Variants in MPRIP observed in about 807,000 individuals in gnomAD.
The protein encoded by MPRIP is myosin phosphatase Rho-interacting protein.
A neutral mutation model predicts 234.9 loss-of-function variants in MPRIP; 59 were observed. The ratio of observed to expected loss-of-function variants is 0.25; its 90% confidence interval spans 0.20 to 0.31. The LOEUF (loss-of-function observed/expected upper bound fraction) is 0.31. MPRIP is among the 10% of genes least tolerant of loss of function. MPRIP has a pLI of 1.00. For missense variants in MPRIP, 2,436 were observed against 3,071.0 expected, an observed-to-expected ratio of 0.79 and a Z score of 4.89; for synonymous variants, 1,144 against 1,263.9, an observed-to-expected ratio of 0.91 and a Z score of 2.01.
chr17:17,058,460 G>T (rs2088772707), intron 1 of MPRIP, among the ~76,000 whole-genome samples: 1 of 151,540 alleles, frequency 6.6e-6, no homozygotes, highest in Non-Finnish European at 1.5e-5. Context: ...GGGACCCGGG[G>T]AGTGGAGCTC....
rs1313916868 is a variant in MPRIP, at chr17:17,191,782, T to C, written c.*6888T>C. The C allele has an allele frequency of 1.3e-5, 2 of 152,212 alleles. No homozygotes were observed. Among genetic ancestry groups the C allele is most frequent in the Non-Finnish European group, 2.9e-5 (2 of 68,022 alleles). 9.4% of individuals were successfully genotyped at this position (152,212 alleles called of 1,614,324 possible). ...AGTTTTATAGACAGCTAGGAATAGA[T>C]TGTGAAGAACACTCAGTTCACTACT... is the stretch of plus-strand genomic sequence containing the variant. On this transcript the variant is annotated 3_prime_UTR_variant, in exon 24 of 24. Transcript: ENST00000651222.
At chr17:17,074,875 CTATT>C (rs2089291059) in intron 1 of MPRIP, among the ~76,000 whole-genome samples, 2 of 152,172 alleles carry the variant, frequency 1.3e-5, no homozygotes, top group Admixed American at 6.5e-5. Context: ...CTTTGTTCAT[CTATT>C]CATCTGTCCA....
intron 3 of MPRIP, among the ~76,000 whole-genome samples, chr17:17,099,832 T>G (rs757523811): frequency 6.6e-6 from 1 of 152,236 alleles, no homozygotes. Context: ...ATGAAAATGG[T>G]CTGCTGTCCC....
At chr17:17,058,336 G>A (rs758207034) in intron 1 of MPRIP, among the ~76,000 whole-genome samples, 1 of 152,034 alleles carries the variant, frequency 6.6e-6, no homozygotes, top group Non-Finnish European at 1.5e-5. Flanking sequence ...ATGGGGAATG[G>A]GGACCCAGGG....
chr17:17,132,984 C>G (rs569553698), intron 5 of MPRIP, among the ~76,000 whole-genome samples: 1 of 152,164 alleles, frequency 6.6e-6, no homozygotes, highest in Non-Finnish European at 1.5e-5. Context: ...GCCTTGGAAA[C>G]AGTGCAGAAG....
intron 15 of MPRIP, 84 bp from the exon 16 acceptor site, chr17:17,164,025 T>A: frequency 2.1e-6 from 2 of 950,758 alleles, no homozygotes; most frequent in Non-Finnish European, 3.0e-6. Context: ...AGGAGCTTTC[T>A]GTGGTTGTTC....
chr17:17,166,743 C>G lies in MPRIP; in HGVS notation c.5152C>G (p.Pro1718Ala), dbSNP rs1025504879. ...LREILGAYQT[P>A]DFERVMQQVL... Reference sequence around the variant, plus strand: ...GGAAATCCTGGGAGCCTACCAAACCCCAGACTTTGAAAGAGTGATGCAGCA... The same window carrying G: ...GGAAATCCTGGGAGCCTACCAAACCGCAGACTTTGAAAGAGTGATGCAGCA... Residue 1718 changes from proline to alanine, a missense_variant, in exon 16 of 24, where the codon CCA (proline) becomes GCA (alanine). By Grantham distance (27) the Pro-to-Ala change is conservative. Around this residue, in one of 4 missense-constraint regions of MPRIP, gnomAD observed 1,998 missense variants for 2,520.3 expected, o/e 0.79. Transcript: ENST00000651222. This position sits in a 1 kb window ranked among gnomAD's most constrained non-coding sequence, Gnocchi z 4.4. 2.3e-6 allele frequency: 3 copies of G among 1,304,098 alleles called. No homozygotes were observed. In the African/African-American group the frequency reaches 4.6e-5, roughly 20 times the overall value. 80.8% of individuals were successfully genotyped at this position (1,304,098 alleles called of 1,614,324 possible).
chr17:17,129,510 C>T (rs1025349931), intron 4 of MPRIP, among the ~76,000 whole-genome samples: 7 of 152,220 alleles, frequency 4.6e-5, no homozygotes, highest in African/African-American at 1.2e-4. Flanking sequence ...TGCATCTCTG[C>T]GACTCCAGCC....
intron 3 of MPRIP, among the ~76,000 whole-genome samples, chr17:17,121,960 G>A (rs1031863853): frequency 6.6e-6 from 1 of 152,140 alleles, no homozygotes; most frequent in Admixed American, 6.5e-5. Context: ...GTGGCCTCCA[G>A]CTCCATCCAT....
chr17:17,102,914 G>T (rs2089992450), intron 3 of MPRIP, among the ~76,000 whole-genome samples: 1 of 152,234 alleles, frequency 6.6e-6, no homozygotes, highest in African/African-American at 2.4e-5. Context: ...CCTTCTGGGG[G>T]TGGACCTCTG....
Position 17,184,859 on chromosome 17 carries a change from A to G in MPRIP, c.7243A>G (p.Lys2415Glu), listed in dbSNP as rs1354734187. The part of the protein sequence containing the change: ...KEGLTVQERL[K>E]LFESRDLKKD ...AGGCCTGACGGTGCAAGAACGGTTG[A>G]AGCTCTTTGAATCCAGGGACTTGAA... The change falls in exon 24 of 24, where the codon AAG becomes GAG. Residue 2415 changes from lysine (K) to glutamate (E), a missense_variant. Physicochemically the swap from Lys to Glu is moderately conservative, Grantham distance 56 (BLOSUM62 1). Coordinates refer to ENST00000651222, the MANE Select transcript of MPRIP (RefSeq NM_001364716.4). 1 of 1,613,094 alleles carries G rather than the reference A, an allele frequency of 6.2e-7. No individual in the cohort carries two copies. Among genetic ancestry groups the G allele is most frequent in the East Asian group, 2.2e-5 (1 of 44,848 alleles).
At chr17:17,089,873 G>A (rs935741051) in intron 3 of MPRIP, among the ~76,000 whole-genome samples, 6 of 152,228 alleles carry the variant, frequency 3.9e-5, no homozygotes, top group African/African-American at 7.2e-5. Context: ...AGTTGGGGGC[G>A]ATGGAGAAGT....
At chr17:17,069,247 G>T (rs2089133191) in intron 1 of MPRIP, among the ~76,000 whole-genome samples, 1 of 151,886 alleles carries the variant, frequency 6.6e-6, no homozygotes, top group African/African-American at 2.4e-5. Flanking sequence ...TAACAACTCT[G>T]CTCTCCTTAG....
Position 17,164,589 on chromosome 17 carries a change from C to A in MPRIP, c.2998C>A (p.Leu1000Ile). 8.3e-7 allele frequency: 1 copy of A among 1,212,072 alleles called. No individual in the cohort carries two copies. Among genetic ancestry groups the A allele is most frequent in the Non-Finnish European group, 1.1e-6 (1 of 947,122 alleles). The allele number at this position is 1,212,072 out of a possible 1,614,324, so 75.1% of individuals were successfully genotyped here. The stretch of plus-strand genomic sequence containing the variant: ...GAGGCTGCAGGAGCGCATTGCCGAC[C>A]TCAGCCAGCAACTGGGCGCCAGTGA... ...VQRLQERIAD[L>I]SQQLGASEQA... is the part of the protein sequence containing the mutation. The change falls in exon 16 of 24, where the codon CTC becomes ATC. Residue 1000 changes from leucine to isoleucine, a missense_variant. By Grantham distance (5) the Leu-to-Ile change is conservative. Coordinates refer to ENST00000651222, the MANE Select transcript of MPRIP (RefSeq NM_001364716.4).
intron 3 of MPRIP, among the ~76,000 whole-genome samples, chr17:17,103,228 C>T (rs912341256): frequency 1.3e-5 from 2 of 152,130 alleles, no homozygotes; most frequent in Non-Finnish European, 2.9e-5. Flanking sequence ...ATGTCAGATG[C>T]GCTCTGGTGA....
At chr17:17,169,257 T>C in intron 16 of MPRIP, 1 of 350,918 alleles carries the variant, frequency 2.8e-6, no homozygotes, top group Non-Finnish European at 5.6e-6. Context: ...TGCACAAACC[T>C]TTGCTTTGAC....
rs1461965869 is a variant in MPRIP, at chr17:17,192,440, G to A, written c.*7546G>A. ...CTGCTTTTTTTTTGGGGGGGGGGGGGGGAGGGGCGTCTTGAGGCTTTTTTT... is the reference window on the plus strand; with the variant it reads ...CTGCTTTTTTTTTGGGGGGGGGGGGAGGAGGGGCGTCTTGAGGCTTTTTTT... On this transcript the variant is annotated 3_prime_UTR_variant, in exon 24 of 24. Coordinates refer to ENST00000651222, the MANE Select transcript of MPRIP (RefSeq NM_001364716.4). 2.2e-4 allele frequency: 25 copies of A among 113,702 alleles called. 1 individual carries two copies. Among genetic ancestry groups the A allele is most frequent in the African/African-American group, 7.8e-4 (24 of 30,626 alleles). The allele number at this position is 113,702 out of a possible 1,614,324, so 7.0% of individuals were successfully genotyped here.
rs1157972241 is a variant in MPRIP at position 17,192,426 on chromosome 17, T to TGGGGGGGGGGG, written c.*7532_*7533insGGGGGGGGGGG. ...GACCAGCTGAGCTGCTGCTTTTTTT[T>TGGGGGGGGGGG]TGGGGGGGGGGGGGGGAGGGGCGTC... On this transcript the variant is annotated 3_prime_UTR_variant, in exon 24 of 24. Coordinates refer to ENST00000651222, the MANE Select transcript of MPRIP (RefSeq NM_001364716.4). 1 of 2,962 alleles carries TGGGGGGGGGGG rather than the reference T, an allele frequency of 3.4e-4. No individual in the cohort carries two copies. The highest frequency in any genetic ancestry group is 7.4e-4 in the Non-Finnish European group (1 of 1,354). The allele number at this position is 2,962 out of a possible 1,614,324, so 0.2% of individuals were successfully genotyped here.
intron 22 of MPRIP, chr17:17,179,448 CAA>C (rs55651414): frequency 2.3e-4 from 17 of 72,998 alleles, no homozygotes; most frequent in Non-Finnish European, 3.0e-4. Flanking sequence ...GACTCCATCT[CAA>C]AAAAAAAAAA....
Sources: gnomAD v4.1 joint callset for allele counts (sites outside exome capture counted in the v4.1 genomes callset) on GRCh38, gnomAD v4.1.1 for gene constraint, gnomAD v4.1.1 regional missense constraint, Gnocchi (gnomAD v3.1) non-coding constraint, MANE v1.5 for transcripts, NCBI Gene and HGNC (gene_info 2026-07-23, HGNC 2026-07-21) for gene names.